The following ZNF714 variants were observed in gnomAD, a reference collection of about 807,000 sequenced individuals.
ZNF714 encodes the protein zinc finger protein 714.
In ZNF714, 32 loss-of-function variants were observed where a neutral mutation model predicts 46.2. The ratio of observed to expected loss-of-function variants is 0.69; its 90% CI spans 0.52 to 0.93. The LOEUF (loss-of-function observed/expected upper bound fraction) is 0.93, where lower values mean the gene tolerates loss of function less well. Ranked by LOEUF, ZNF714 falls within the 40% of genes least tolerant of loss-of-function variation. The pLI, the probability that ZNF714 is intolerant of heterozygous loss-of-function variation, is 0.00. For missense variants in ZNF714, 635 were observed against 646.3 expected (o/e 0.98, Z 0.19); for synonymous variants, 199 against 213.1 (o/e 0.93, Z 0.58).
rs527990638 is a variant in ZNF714, at chr19:21,091,501, A to G, written c.-84-6684A>G. On this transcript the variant is annotated intron_variant, in intron 2 of 4. Coordinates refer to ENST00000456283, the MANE Select transcript of ZNF714 (RefSeq NM_182515.4). ...TTCCAAATGGAGTTGCTCTGGTTCAATACGCCTCTGACAGAATCTGTGTCT... is the reference window on the plus strand; with the variant it reads ...TTCCAAATGGAGTTGCTCTGGTTCAGTACGCCTCTGACAGAATCTGTGTCT... 5.4e-4 allele frequency: 83 copies of G among 152,294 alleles called. 6 individuals are homozygous for G. The highest frequency in any genetic ancestry group is 4.1e-4 in the South Asian group (2 of 4,828). 9.4% of individuals were successfully genotyped at this position (152,294 alleles called of 1,614,324 possible). A position where few individuals can be genotyped will look rare whatever the true frequency, so the allele number is the denominator to read the frequency against.
At chr19:21,106,683 G>T (rs960728884) in intron 4 of ZNF714, among the ~76,000 whole-genome samples, 3 of 151,844 alleles carry the variant, frequency 2.0e-5, no homozygotes, top group African/African-American at 7.3e-5. Flanking sequence ...TCTCTTCTCT[G>T]TTGTGTGCTC....
intron 4 of ZNF714, among the ~76,000 whole-genome samples, chr19:21,114,474 CT>C (rs1040750636): frequency 1.3e-5 from 2 of 150,460 alleles, no homozygotes; most frequent in Admixed American, 1.3e-4. Context: ...GCAACCCCTG[CT>C]TTTTTTTCTG....
chr19:21,084,461 C>G (rs927671244), intron 2 of ZNF714, among the ~76,000 whole-genome samples: 1 of 151,980 alleles, frequency 6.6e-6, no homozygotes. Flanking sequence ...GAGCAGCCAC[C>G]GAGAAATACT....
chr19:21,096,573 C>G lies in ZNF714; in HGVS notation c.-84-1612C>G, dbSNP rs891581501. 3.9e-5 allele frequency among the ~76,000 whole-genome samples: 6 copies of G among 152,162 alleles called. No individual in the cohort carries two copies. In the East Asian group the frequency reaches 1.2e-3, roughly 29 times the overall value. On this transcript the variant is annotated intron_variant, in intron 2 of 4. Coordinates refer to ENST00000456283, the MANE Select transcript of ZNF714 (RefSeq NM_182515.4). ...AAATTCTTGTGATAGTCAAGGATCT[C>G]TAAAAAATATTTCTATCCTATGTAC...
rs61733856 is a variant in ZNF714 at position 21,082,304 on chromosome 19, G to C, written c.-221G>C. 1 of 1,448,354 alleles carries C rather than the reference G, an allele frequency of 6.9e-7. No individual in the cohort carries two copies. The highest frequency in any genetic ancestry group is 9.3e-7 in the Non-Finnish European group (1 of 1,071,856). 89.7% of individuals were successfully genotyped at this position (1,448,354 alleles called of 1,614,324 possible). On this transcript the variant is annotated 5_prime_UTR_variant, in exon 1 of 5. Coordinates refer to ENST00000456283, the MANE Select transcript of ZNF714 (RefSeq NM_182515.4). ...TGGCCCTGTGACCTGCAGGTATTGA[G>C]AGATCCACAGCTAAGACGCCAGGTA...
chr19:21,114,578 A>G (rs1288980260), intron 4 of ZNF714, among the ~76,000 whole-genome samples: 1 of 152,138 alleles, frequency 6.6e-6, no homozygotes, highest in Non-Finnish European at 1.5e-5. Flanking sequence ...CAGCACACAA[A>G]TGGGTCATGA....
At chr19:21,082,615 C>T (rs1034475185) in intron 1 of ZNF714, among the ~76,000 whole-genome samples, 1 of 152,118 alleles carries the variant, frequency 6.6e-6, no homozygotes, top group African/African-American at 2.4e-5. Flanking sequence ...CCCTCAGCGG[C>T]GCGTCTCTCC....
chr19:21,102,004 G>A (rs577939188), intron 4 of ZNF714, among the ~76,000 whole-genome samples: 4 of 152,146 alleles, frequency 2.6e-5, no homozygotes, highest in African/African-American at 9.6e-5. Flanking sequence ...TTTATCATCC[G>A]GGCTGGTCTG....
In ZNF714 at chr19:21,117,104, G is replaced by A. The variant is rs1285410889; in HGVS notation, c.440G>A (p.Cys147Tyr). Reference protein sequence around the residue: ...TRHTGEKPFKCKKCDESFCML... With the variant: ...TRHTGEKPFKYKKCDESFCML... ...CATACTGGAGAGAAACCTTTCAAATGTAAAAAATGTGATGAATCATTTTGC... is the reference window on the plus strand; with the variant it reads ...CATACTGGAGAGAAACCTTTCAAATATAAAAAATGTGATGAATCATTTTGC... The change falls in exon 5 of 5, where the codon TGT becomes TAT. Residue 147 changes from cysteine (C) to tyrosine (Y), a missense_variant. Coordinates refer to ENST00000456283, the MANE Select transcript of ZNF714 (RefSeq NM_182515.4). 1 of 1,613,442 alleles carries A rather than the reference G, an allele frequency of 6.2e-7. No individual in the cohort carries two copies. Among genetic ancestry groups the A allele is most frequent in the Non-Finnish European group, 8.5e-7 (1 of 1,179,750 alleles).
rs1392128122 is a variant in ZNF714 at position 21,124,246 on chromosome 19, CAA to C, written c.*5916_*5917del. 40 of 152,140 alleles carry C rather than the reference CAA, an allele frequency of 2.6e-4. No individual in the cohort carries two copies. Among genetic ancestry groups the C allele is most frequent in the Non-Finnish European group, 8.8e-5 (6 of 68,028 alleles). The allele number at this position is 152,140 out of a possible 1,614,324, so 9.4% of individuals were successfully genotyped here. On this transcript the variant is annotated 3_prime_UTR_variant, in exon 5 of 5. Transcript: ENST00000456283. ...TGATACTATTTAGCCAAGATTACCA[CAA>C]AGATACAGTATTTGACACATTCTTA...
chr19:21,120,866 G>A lies in ZNF714; in HGVS notation c.*2534G>A, dbSNP rs575154721. 1.3e-4 allele frequency: 19 copies of A among 151,914 alleles called. No individual in the cohort carries two copies. Among genetic ancestry groups the A allele is most frequent in the African/African-American group, 4.3e-4 (18 of 41,446 alleles). 9.4% of individuals were successfully genotyped at this position (151,914 alleles called of 1,614,324 possible). A position where few individuals can be genotyped will look rare whatever the true frequency, so the allele number is the denominator to read the frequency against. On this transcript the variant is annotated 3_prime_UTR_variant, in exon 5 of 5. Transcript: ENST00000456283. ...TTTTTAATCATTTAAATTTAATTTT[G>A]GTGGGTACATAATATGAGTATATAT...
intron 4 of ZNF714, among the ~76,000 whole-genome samples, chr19:21,106,085 C>T (rs778054017): frequency 4.5e-4 from 69 of 151,722 alleles, no homozygotes; most frequent in Non-Finnish European, 9.0e-4. Flanking sequence ...GAAACCCCAT[C>T]TCTACTAAAA....
rs1217774848 is a variant in ZNF714 at position 21,111,079 on chromosome 19, G to C, written c.143-5728G>C. Among the ~76,000 whole-genome samples, 4 of 152,020 alleles carry C rather than the reference G, an allele frequency of 2.6e-5. No homozygotes were observed. In the East Asian group the frequency reaches 7.7e-4, roughly 29 times the overall value. ...TTCTCTTGGCTATATGGGGTCTTTT[G>C]GGGTTTCATATGAATTTTAAAATAG... On this transcript the variant is annotated intron_variant, in intron 4 of 4. Transcript: ENST00000456283.
At position 21,082,252 on chromosome 19, in the gene ZNF714, C is replaced by G. The variant is rs1272774171; in HGVS notation, c.-273C>G. 5 of 1,316,678 alleles carry G rather than the reference C, an allele frequency of 3.8e-6. No individual in the cohort carries two copies. Among genetic ancestry groups the G allele is most frequent in the Non-Finnish European group, 4.2e-6 (4 of 960,532 alleles). The allele number at this position is 1,316,678 out of a possible 1,614,324, so 81.6% of individuals were successfully genotyped here. A position where few individuals can be genotyped will look rare whatever the true frequency, so the allele number is the denominator to read the frequency against. On this transcript the variant is annotated 5_prime_UTR_variant, in exon 1 of 5. Coordinates refer to ENST00000456283, the MANE Select transcript of ZNF714 (RefSeq NM_182515.4). The stretch of plus-strand genomic sequence containing the variant: ...AGGTCTCGCCTTCACTGCCCTGTGT[C>G]CTCTGCTCGCAGAGGCCCAGCCTCT...
At chr19:21,089,047 T>C (rs1968849313) in intron 2 of ZNF714, among the ~76,000 whole-genome samples, 1 of 152,172 alleles carries the variant, frequency 6.6e-6, no homozygotes, top group Non-Finnish European at 1.5e-5. Flanking sequence ...ATTCCAAAAG[T>C]ATATTTCTCA....
intron 2 of ZNF714, among the ~76,000 whole-genome samples, chr19:21,095,964 ACT>A (rs1969028418): frequency 6.6e-6 from 1 of 151,770 alleles, no homozygotes; most frequent in Non-Finnish European, 1.5e-5. Context: ...GCCTCATATG[ACT>A]CTATGGTGAG....
intron 4 of ZNF714, among the ~76,000 whole-genome samples, 181 bp downstream of exon 4, chr19:21,099,091 C>T (rs1969110523): frequency 6.6e-6 from 1 of 152,040 alleles, no homozygotes; most frequent in African/African-American, 2.4e-5. Context: ...CTGTCTTATG[C>T]TTTTAAATTC....
chr19:21,099,024 T>G, intron 4 of ZNF714, 114 bp downstream of exon 4: 1 of 567,210 alleles, frequency 1.8e-6, no homozygotes. Flanking sequence ...GCAAAGTATA[T>G]AGTTTCTGGG....
intron 4 of ZNF714, among the ~76,000 whole-genome samples, chr19:21,107,746 C>A (rs1969357186): frequency 6.6e-6 from 1 of 152,038 alleles, no homozygotes; most frequent in Non-Finnish European, 1.5e-5. Context: ...TAGTTTTGAA[C>A]CTCTGAGCTC....
Sources: allele counts gnomAD v4.1 joint callset (sites outside exome capture counted in the v4.1 genomes callset), GRCh38; gene constraint gnomAD v4.1.1; transcripts MANE v1.5; gene names NCBI Gene and HGNC (gene_info 2026-07-23, HGNC 2026-07-21).